EXOC4: variants seen among roughly 807,000 people sequenced by gnomAD.
EXOC4 encodes the protein exocyst complex component 4, also known as SEC8-like 1.
EXOC4 carries 71 observed loss-of-function variants against 107.2 expected under a neutral mutation model. The observed-to-expected ratio is 0.66, with a 90% CI of 0.55 to 0.81. The LOEUF (loss-of-function observed/expected upper bound fraction) is 0.81. Ranked by LOEUF, EXOC4 falls within the 30% of genes least tolerant of loss-of-function variation. EXOC4 has a pLI of 0.00. For missense variants in EXOC4, 1,108 were observed against 1,189.6 expected (o/e 0.93, Z 1.01); for synonymous variants, 456 against 441.2 (o/e 1.03, Z -0.42).
intron 9 of EXOC4, among the ~76,000 whole-genome samples, chr7:133,567,054 C>A (rs1392543340): frequency 6.6e-6 from 1 of 152,056 alleles, no homozygotes; most frequent in Non-Finnish European, 1.5e-5. Context: ...TTAAGAAAAC[C>A]AGCTTTATTA....
At chr7:133,329,914 T>A (rs1051835222) in intron 5 of EXOC4, among the ~76,000 whole-genome samples, 3 of 152,200 alleles carry the variant, frequency 2.0e-5, no homozygotes, top group African/African-American at 7.2e-5. Flanking sequence ...AGGGACCCAC[T>A]TGAGGCAATC....
intron 10 of EXOC4, among the ~76,000 whole-genome samples, chr7:133,781,653 G>A (rs750938904): frequency 3.3e-5 from 5 of 152,186 alleles, no homozygotes; most frequent in Non-Finnish European, 5.9e-5. Flanking sequence ...CTTAAAGCTC[G>A]TGGGAGAGAT....
intron 10 of EXOC4, among the ~76,000 whole-genome samples, chr7:133,632,184 A>AC (rs1444118249): frequency 2.0e-5 from 3 of 152,264 alleles, no homozygotes; most frequent in Admixed American, 2.0e-4. Context: ...GCTACTTGTT[A>AC]AGTCTTTATA....
intron 11 of EXOC4, among the ~76,000 whole-genome samples, chr7:133,878,609 C>T (rs1798898702): frequency 6.6e-6 from 1 of 152,182 alleles, no homozygotes; most frequent in African/African-American, 2.4e-5. Flanking sequence ...TCTAATCCCT[C>T]CATTGTGTAG....
chr7:133,940,358 T>C (rs1351192778), intron 14 of EXOC4, among the ~76,000 whole-genome samples: 2 of 152,246 alleles, frequency 1.3e-5, no homozygotes, highest in African/African-American at 4.8e-5. Context: ...AATTCATGCC[T>C]ATAATCATCT....
rs532050149 is a variant in EXOC4, at chr7:133,466,862, A to C, written c.1183-8466A>C. ...AAGTCAATGTATTACCATAAAATAA[A>C]GAACCAAAGTCACATAATCATCTCA... On this transcript the variant is annotated intron_variant, in intron 7 of 17. Transcript: ENST00000253861. Among the ~76,000 whole-genome samples the C allele has an allele frequency of 5.3e-5, 8 of 152,340 alleles. No individual in the cohort carries two copies. The East Asian group carries it at 1.5e-3, about 29-fold the overall frequency.
At chr7:133,864,385 T>C (rs528275124) in intron 11 of EXOC4, among the ~76,000 whole-genome samples, 4 of 152,328 alleles carry the variant, frequency 2.6e-5, no homozygotes, top group African/African-American at 9.6e-5. Flanking sequence ...TGACTAACTC[T>C]GATTTTGTGT....
chr7:133,276,600 C>T (rs186431412), intron 2 of EXOC4, among the ~76,000 whole-genome samples: 129 of 152,134 alleles, frequency 8.5e-4, no homozygotes, highest in African/African-American at 2.9e-3. Context: ...AGAGGCAGTG[C>T]TCTCCTCTTC....
chr7:133,792,313 G>A (rs1472226538), intron 10 of EXOC4, among the ~76,000 whole-genome samples: 1 of 152,040 alleles, frequency 6.6e-6, no homozygotes, highest in Non-Finnish European at 1.5e-5. Context: ...AGCACTTCGG[G>A]AGGCCAAGGT....
At chr7:133,423,439 A>G (rs932812042) in intron 7 of EXOC4, among the ~76,000 whole-genome samples, 24 of 152,152 alleles carry the variant, frequency 1.6e-4, no homozygotes, top group African/African-American at 5.6e-4. Context: ...AGCACTCTCT[A>G]TCTTACTTTA....
At chr7:133,820,000 G>T (rs1386857691) in intron 11 of EXOC4, among the ~76,000 whole-genome samples, 1 of 152,062 alleles carries the variant, frequency 6.6e-6, no homozygotes, top group African/African-American at 2.4e-5. Context: ...TGTCCTTTAA[G>T]TCACCGTGAG....
chr7:133,417,634 T>G (rs1441098632), intron 7 of EXOC4, among the ~76,000 whole-genome samples: 1 of 152,162 alleles, frequency 6.6e-6, no homozygotes, highest in African/African-American at 2.4e-5. Context: ...TGCCATAGTT[T>G]ACGTCCTTTT....
In EXOC4 at chr7:133,356,460, A is replaced by C. The variant is rs1183663791; in HGVS notation, c.894A>C (p.Ala298=). The C allele has an allele frequency of 6.8e-6, 11 of 1,614,054 alleles. No individual in the cohort carries two copies. Among genetic ancestry groups the C allele is most frequent in the South Asian group, 1.1e-5 (1 of 91,080 alleles). The change falls in exon 6 of 18, where the codon GCA becomes GCC. Residue 298 remains alanine (A), a synonymous_variant. Coordinates refer to ENST00000253861, the MANE Select transcript of EXOC4 (RefSeq NM_021807.4). ...KLKKIPETVK[A]IIERLEQELK... ...AGAAGATCCCAGAAACAGTTAAGGC[A>C]ATCATAGAGCGCTTGGAGCAGGAGT...
chr7:133,337,001 G>A (rs987870129), intron 5 of EXOC4, among the ~76,000 whole-genome samples: 2 of 152,006 alleles, frequency 1.3e-5, no homozygotes, highest in African/African-American at 4.8e-5. Context: ...CCAAAGTGTT[G>A]GGATTACAGG....
chr7:133,622,619 T>G (rs1425930484), intron 9 of EXOC4, among the ~76,000 whole-genome samples: 1 of 152,186 alleles, frequency 6.6e-6, no homozygotes, highest in Admixed American at 6.5e-5. Context: ...TATATTTATA[T>G]ATATAGGACA....
At chr7:133,824,500 C>G (rs1329971309) in intron 11 of EXOC4, among the ~76,000 whole-genome samples, 1 of 152,130 alleles carries the variant, frequency 6.6e-6, no homozygotes, top group African/African-American at 2.4e-5. Context: ...TCTCCTTTTC[C>G]TGGAGTTTGT....
chr7:133,912,399 T>G (rs1229204609), intron 12 of EXOC4, among the ~76,000 whole-genome samples: 1 of 152,144 alleles, frequency 6.6e-6, no homozygotes, highest in Non-Finnish European at 1.5e-5. Flanking sequence ...CTATTTTACA[T>G]TGGGGTTTTT....
intron 10 of EXOC4, among the ~76,000 whole-genome samples, chr7:133,779,727 A>G (rs1268449729): frequency 6.6e-6 from 1 of 152,198 alleles, no homozygotes; most frequent in African/African-American, 2.4e-5. Context: ...GTAGCTAGCT[A>G]GAGATTTGTA....
intron 10 of EXOC4, among the ~76,000 whole-genome samples, chr7:133,795,550 C>T (rs953964231): frequency 1.3e-5 from 2 of 152,154 alleles, no homozygotes; most frequent in Admixed American, 6.5e-5. Flanking sequence ...CTAGGGCTAC[C>T]CAGTTATGAA....
Sources: allele counts gnomAD v4.1 joint callset (sites outside exome capture counted in the v4.1 genomes callset), GRCh38; gene constraint gnomAD v4.1.1; transcripts MANE v1.5; gene names NCBI Gene and HGNC (gene_info 2026-07-23, HGNC 2026-07-21).